The following SAMD3 variants were observed in gnomAD, a reference collection of about 807,000 sequenced individuals.
The protein encoded by SAMD3 is sterile alpha motif domain containing 3.
In SAMD3, 63 loss-of-function variants were observed where a neutral mutation model predicts 58.5. The ratio of observed to expected loss-of-function variants is 1.08; its 90% CI spans 0.88 to 1.33. SAMD3 has a LOEUF of 1.33. Among genes scored for constraint, SAMD3 ranks in the 40% most tolerant of loss-of-function variants. SAMD3 has a pLI of 0.00. For missense variants in SAMD3, 604 were observed against 608.4 expected (o/e 0.99, Z 0.08); for synonymous variants, 220 against 210.3 (o/e 1.05, Z -0.40).
At chr6:130,221,056 G>A (rs1044994328) in intron 1 of SAMD3, among the ~76,000 whole-genome samples, 3 of 151,768 alleles carry the variant, frequency 2.0e-5, no homozygotes, top group Admixed American at 6.6e-5. Flanking sequence ...GGGTTTCACT[G>A]TGTTAGCCAG....
At chr6:130,180,172 G>A (rs1792153928) in intron 7 of SAMD3, among the ~76,000 whole-genome samples, 1 of 151,532 alleles carries the variant, frequency 6.6e-6, no homozygotes, top group Non-Finnish European at 1.5e-5. Context: ...CCAGGCCGGA[G>A]TGCAGTAGTG....
chr6:130,356,072 G>A (rs190386284), intron 1 of SAMD3, among the ~76,000 whole-genome samples: 1 of 152,184 alleles, frequency 6.6e-6, no homozygotes, highest in Admixed American at 6.5e-5. Context: ...TTGTGAAAAT[G>A]CGAATCAGAT....
intron 1 of SAMD3, among the ~76,000 whole-genome samples, chr6:130,315,386 G>C (rs1287594072): frequency 6.6e-6 from 1 of 152,128 alleles, no homozygotes; most frequent in African/African-American, 2.4e-5. Context: ...ATAATCACTG[G>C]ATTAGACATT....
chr6:130,222,146 A>G (rs1172862553), intron 1 of SAMD3, among the ~76,000 whole-genome samples: 2 of 152,208 alleles, frequency 1.3e-5, no homozygotes, highest in Non-Finnish European at 2.9e-5. Flanking sequence ...TTTGAATCCA[A>G]TCTATCCAAC....
At chr6:130,355,059 A>G (rs986740822) in intron 1 of SAMD3, among the ~76,000 whole-genome samples, 3 of 152,182 alleles carry the variant, frequency 2.0e-5, no homozygotes, top group Non-Finnish European at 4.4e-5. Context: ...TTCCCAGATA[A>G]AGTGAACTTC....
chr6:130,178,287 C>G (rs1791927140), intron 7 of SAMD3, among the ~76,000 whole-genome samples: 2 of 151,236 alleles, frequency 1.3e-5, no homozygotes, highest in African/African-American at 4.9e-5. Flanking sequence ...TGGCCCAACC[C>G]TTCTTGAAGA....
chr6:130,212,735 AGACT>A (rs1795677216), intron 4 of SAMD3, among the ~76,000 whole-genome samples: 1 of 152,228 alleles, frequency 6.6e-6, no homozygotes, highest in African/African-American at 2.4e-5. Flanking sequence ...AGTGGAAACA[AGACT>A]GCCTGTTTTC....
chr6:130,145,633 A>T (rs1450451789), intron 10 of SAMD3, among the ~76,000 whole-genome samples: 1 of 152,180 alleles, frequency 6.6e-6, no homozygotes, highest in Non-Finnish European at 1.5e-5. Context: ...CTTCCAGAAG[A>T]CAAGAGTTCT....
At chr6:130,186,184 G>C (rs1057254704) in intron 5 of SAMD3, among the ~76,000 whole-genome samples, 6 of 152,044 alleles carry the variant, frequency 3.9e-5, no homozygotes, top group Non-Finnish European at 8.8e-5. Flanking sequence ...CCAAGTAGAA[G>C]ACAACAGGAA....
intron 7 of SAMD3, among the ~76,000 whole-genome samples, chr6:130,178,343 G>A (rs915271017): frequency 9.3e-5 from 14 of 150,852 alleles, no homozygotes; most frequent in Admixed American, 2.6e-4. Flanking sequence ...CTGCAATGCC[G>A]TGTGATTGAA....
chr6:130,207,633 A>G (rs575732212), intron 5 of SAMD3, among the ~76,000 whole-genome samples: 2 of 152,328 alleles, frequency 1.3e-5, no homozygotes, highest in South Asian at 2.1e-4. Context: ...ACCAGCACCC[A>G]TGAGTGGGAA....
At chr6:130,305,640 C>G (rs1402769647) in intron 2 of SAMD3, among the ~76,000 whole-genome samples, 1 of 152,030 alleles carries the variant, frequency 6.6e-6, no homozygotes, top group African/African-American at 2.4e-5. Context: ...AAATATCTTT[C>G]CTGAGTCTGT....
At chr6:130,307,236 G>A (rs1424241817) in intron 2 of SAMD3, among the ~76,000 whole-genome samples, 1 of 152,222 alleles carries the variant, frequency 6.6e-6, no homozygotes, top group East Asian at 1.9e-4. Flanking sequence ...AGGCTCACAA[G>A]GGCATGAGAT....
chr6:130,156,769 G>T (rs1433659435), intron 8 of SAMD3, among the ~76,000 whole-genome samples: 1 of 152,106 alleles, frequency 6.6e-6, no homozygotes, highest in Non-Finnish European at 1.5e-5. Context: ...CCAGGAGTTT[G>T]AGAGAAGCCA....
intron 11 of SAMD3, 26 bp from the exon 12 acceptor site, chr6:130,144,830 C>G: frequency 1.9e-6 from 3 of 1,586,102 alleles, no homozygotes; most frequent in Non-Finnish European, 2.6e-6. Flanking sequence ...GAGTCATTAC[C>G]ATGATACGTA....
rs533749053 is a variant in SAMD3, at chr6:130,283,773, A to G, written c.-188+29205T>C. ...GATATAAGTAAGGAAAAAGCCAGAA[A>G]GAATAGGCTTCAAGTAATGATGGTA... On this transcript the variant is annotated intron_variant, in intron 2 of 13. Coordinates refer to the SAMD3 transcript ENST00000368134. Among the ~76,000 whole-genome samples the G allele has an allele frequency of 2.0e-5, 3 of 152,218 alleles. No homozygotes were observed. The South Asian group carries it at 6.2e-4, about 32-fold the overall frequency.
chr6:130,185,628 A>AT (rs1224222250), intron 5 of SAMD3, among the ~76,000 whole-genome samples: 1,434 of 132,354 alleles, frequency 0.011, 22 homozygotes, highest in African/African-American at 0.03. Flanking sequence ...CATCTGCCCA[A>AT]TTTTTTTTTT....
At chr6:130,162,683 A>C (rs558812955) in intron 8 of SAMD3, among the ~76,000 whole-genome samples, 1 of 152,098 alleles carries the variant, frequency 6.6e-6, no homozygotes. Flanking sequence ...ATCTACTTTA[A>C]AGGCACTATG....
chr6:130,224,746 G>A (rs1025818810), upstream of SAMD3, among the ~76,000 whole-genome samples: 1 of 151,908 alleles, frequency 6.6e-6, no homozygotes, highest in Non-Finnish European at 1.5e-5. Context: ...AGCCTCCTGA[G>A]TATCTGGGAC....
Sources: gnomAD v4.1 joint callset for allele counts (sites outside exome capture counted in the v4.1 genomes callset) on GRCh38, gnomAD v4.1.1 for gene constraint, MANE v1.5 for transcripts, NCBI Gene and HGNC (gene_info 2026-07-23, HGNC 2026-07-21) for gene names.